Variants in SLC25A20 observed in about 807,000 individuals in gnomAD.
SLC25A20 encodes solute carrier family 25 member 20, also known as mitochondrial carnitine/acylcarnitine carrier protein.
Under a neutral mutation model 39.7 loss-of-function variants are expected in SLC25A20, and 29 were observed. That is an observed-to-expected ratio of 0.73 (90% CI 0.54 to 1.00). The LOEUF is 1.00. Ranked by LOEUF, SLC25A20 falls within the 50% of genes least tolerant of loss-of-function variation. The pLI is 0.00. For missense variants in SLC25A20, 333 were observed against 379.9 expected, an observed-to-expected ratio of 0.88 and a Z score of 1.03; for synonymous variants, 103 against 142.2, an observed-to-expected ratio of 0.72 and a Z score of 1.96.
At chr3:48,867,777 G>T (rs928853387) in intron 4 of SLC25A20, among the ~76,000 whole-genome samples, 1 of 151,702 alleles carries the variant, frequency 6.6e-6, no homozygotes, top group South Asian at 2.1e-4. Context: ...AACAAGCAGG[G>T]TGGCCGGGCA....
At position 48,857,046 on chromosome 3, in the gene SLC25A20, T is replaced by G. The variant is rs2083585128; in HGVS notation, c.*664A>C. ...CTCACTTATCCCAGCAGACTGGGAC[T>G]GTCCTCACTGTGTAGGAGGGAAAGT... On this transcript the variant is annotated 3_prime_UTR_variant, in exon 9 of 9. Coordinates refer to ENST00000319017, the MANE Select transcript of SLC25A20 (RefSeq NM_000387.6). The G allele has an allele frequency of 6.5e-6, 1 of 153,456 alleles. No individual in the cohort carries two copies. The highest frequency in any genetic ancestry group is 2.4e-5 in the African/African-American group (1 of 41,442). The allele number at this position is 153,456 out of a possible 1,614,324, so 9.5% of individuals were successfully genotyped here.
In SLC25A20 at chr3:48,864,009, T is replaced by C. The variant is rs1032339182; in HGVS notation, c.418-1350A>G. The stretch of plus-strand genomic sequence containing the variant: ...CAGCCTGGGAGACAGAGCACAACTC[T>C]ATCTCAATCAATCAATCAATACAAG... On this transcript the variant is annotated intron_variant, in intron 4 of 8. Coordinates refer to ENST00000319017, the MANE Select transcript of SLC25A20 (RefSeq NM_000387.6). Among the ~76,000 whole-genome samples the C allele has an allele frequency of 2.7e-5, 4 of 148,552 alleles. No individual in the cohort carries two copies. The Admixed American group carries it at 2.7e-4, about 10-fold the overall frequency.
At chr3:48,897,394 G>A (rs546184756) in intron 1 of SLC25A20, among the ~76,000 whole-genome samples, 2 of 142,690 alleles carry the variant, frequency 1.4e-5, no homozygotes, top group African/African-American at 2.6e-5. Flanking sequence ...TTTTAAGGGC[G>A]GCCCCAGAGG....
chr3:48,886,651 A>T (rs1251993438), intron 2 of SLC25A20, among the ~76,000 whole-genome samples: 1 of 152,154 alleles, frequency 6.6e-6, no homozygotes, highest in East Asian at 1.9e-4. Flanking sequence ...GAATGAAGGA[A>T]AGAGATAAAT....
intron 4 of SLC25A20, among the ~76,000 whole-genome samples, chr3:48,876,494 T>G (rs1461214756): frequency 6.7e-6 from 1 of 148,842 alleles, no homozygotes; most frequent in Non-Finnish European, 1.5e-5. Context: ...AGCACAATCT[T>G]GGCTCACTGA....
chr3:48,894,510 T>A (rs919155004), intron 1 of SLC25A20, among the ~76,000 whole-genome samples: 12 of 151,032 alleles, frequency 7.9e-5, no homozygotes, highest in African/African-American at 2.7e-4. Context: ...TGACCTCAGG[T>A]GATCCACCCG....
intron 4 of SLC25A20, among the ~76,000 whole-genome samples, chr3:48,877,045 G>A (rs1042836584): frequency 6.6e-6 from 1 of 151,874 alleles, no homozygotes; most frequent in Non-Finnish European, 1.5e-5. Context: ...GCAGTGAGCC[G>A]AAATCATACC....
chr3:48,884,406 G>A (rs2083816860), intron 2 of SLC25A20, among the ~76,000 whole-genome samples: 1 of 152,064 alleles, frequency 6.6e-6, no homozygotes, highest in South Asian at 2.1e-4. Context: ...CTGGGGTGCA[G>A]TGGTGCGATC....
chr3:48,866,120 G>A (rs374894530), intron 4 of SLC25A20, among the ~76,000 whole-genome samples: 1 of 150,678 alleles, frequency 6.6e-6, no homozygotes, highest in Non-Finnish European at 1.5e-5. Context: ...GCGACAGAGC[G>A]AGACTCTGTC....
intron 1 of SLC25A20, among the ~76,000 whole-genome samples, chr3:48,896,949 T>C (rs574979347): frequency 1.3e-5 from 2 of 152,204 alleles, no homozygotes; most frequent in East Asian, 3.9e-4. Context: ...GAATGCCTGT[T>C]CTAACGCACC....
chr3:48,880,552 C>T (rs1053491225), intron 3 of SLC25A20, among the ~76,000 whole-genome samples: 5 of 145,352 alleles, frequency 3.4e-5, no homozygotes, highest in Non-Finnish European at 7.5e-5. Context: ...GCTAGGGTTA[C>T]AGCATGAGCC....
chr3:48,861,760 C>G (rs2083629801), intron 5 of SLC25A20, among the ~76,000 whole-genome samples: 1 of 151,862 alleles, frequency 6.6e-6, no homozygotes, highest in African/African-American at 2.4e-5. Flanking sequence ...GGTGCGGTGG[C>G]TCACACCAGT....
intron 2 of SLC25A20, among the ~76,000 whole-genome samples, chr3:48,888,255 GACGGTTGGGCAGGC>G (rs1307405731): frequency 6.7e-6 from 1 of 149,696 alleles, no homozygotes; most frequent in Admixed American, 6.7e-5. Flanking sequence ...CTCACTCAAG[GACGGTTGGGCAGGC>G]ACTGCCTCAA....
intron 4 of SLC25A20, among the ~76,000 whole-genome samples, chr3:48,871,265 C>A (rs540700054): frequency 6.6e-6 from 1 of 150,734 alleles, no homozygotes; most frequent in Non-Finnish European, 1.5e-5. Flanking sequence ...CAAGATTTTT[C>A]TAAATTTTCT....
intron 1 of SLC25A20, among the ~76,000 whole-genome samples, chr3:48,897,362 TATATA>T (rs1262374014): frequency 9.0e-6 from 1 of 111,098 alleles, no homozygotes; most frequent in African/African-American, 3.6e-5. Context: ...TATATATATA[TATATA>T]TTTTTTTTTT....
At chr3:48,871,636 G>A (rs1233655852) in intron 4 of SLC25A20, among the ~76,000 whole-genome samples, 2 of 151,774 alleles carry the variant, frequency 1.3e-5, no homozygotes, top group Admixed American at 6.6e-5. Context: ...GCATGGTGGC[G>A]CGTGCCTGTA....
chr3:48,865,083 A>G (rs1270535716), intron 4 of SLC25A20, among the ~76,000 whole-genome samples: 1 of 152,050 alleles, frequency 6.6e-6, no homozygotes, highest in Non-Finnish European at 1.5e-5. Context: ...CCACATAGAA[A>G]TGTTGGATAA....
chr3:48,893,126 C>T (rs2083889414), intron 1 of SLC25A20, among the ~76,000 whole-genome samples: 1 of 151,900 alleles, frequency 6.6e-6, no homozygotes, highest in South Asian at 2.1e-4. Flanking sequence ...CTCCTGGGCT[C>T]ATGCAATCCT....
Position 48,877,537 on chromosome 3 carries a change from T to C in SLC25A20, c.417+1821A>G, listed in dbSNP as rs557141787. ...CAAGGTCAGGAGATCGAAACCATCC[T>C]GGCCAACATGGTGAAACCCCGTCTC... On this transcript the variant is annotated intron_variant, in intron 4 of 8. Coordinates refer to ENST00000319017, the MANE Select transcript of SLC25A20 (RefSeq NM_000387.6). 3.9e-5 allele frequency among the ~76,000 whole-genome samples: 6 copies of C among 152,100 alleles called. No homozygotes were observed. The South Asian group carries it at 1.2e-3, about 32-fold the overall frequency.
Sources: allele counts gnomAD v4.1 joint callset (sites outside exome capture counted in the v4.1 genomes callset), GRCh38; gene constraint gnomAD v4.1.1; transcripts MANE v1.5; gene names NCBI Gene and HGNC (gene_info 2026-07-23, HGNC 2026-07-21).